CLUAP1: variants seen among roughly 807,000 people sequenced by gnomAD.
CLUAP1 encodes the protein intraflagellar transport 38, also known as clusterin-associated protein 1.
CLUAP1 carries 50 observed loss-of-function variants against 55.0 expected under a neutral mutation model. The ratio of observed to expected loss-of-function variants is 0.91; its 90% CI spans 0.72 to 1.15. CLUAP1 has a LOEUF of 1.15. Among genes scored for constraint, CLUAP1 ranks in the 50% most tolerant of loss-of-function variants. The probability of loss-of-function intolerance (pLI) is 0.00; values close to 1 mark genes in which losing one functional copy is unlikely to be tolerated. For missense variants in CLUAP1, 530 were observed against 507.6 expected, an observed-to-expected ratio of 1.04 and a Z score of -0.42; for synonymous variants, 195 against 175.4, an observed-to-expected ratio of 1.11 and a Z score of -0.88.
At chr16:3,500,436 C>A (rs888968775), upstream of CLUAP1, among the ~76,000 whole-genome samples, 7 of 147,450 alleles carry the variant, frequency 4.7e-5, no homozygotes, top group Non-Finnish European at 8.9e-5. Context: ...GTGGCGCGAT[C>A]TCGGCTCACT....
At chr16:3,500,877 G>A (rs1030453684), upstream of CLUAP1, 4 of 618,744 alleles carry the variant, frequency 6.5e-6, no homozygotes, top group Non-Finnish European at 1.1e-5. Flanking sequence ...GGCGTCTCAG[G>A]AGCGCTCTCT....
chr16:3,532,695 A>G lies in CLUAP1; in HGVS notation c.1037-91A>G, dbSNP rs925449166. The G allele has an allele frequency of 3.6e-6, 5 of 1,389,944 alleles. No individual in the cohort carries two copies. In the African/African-American group the frequency reaches 5.7e-5, roughly 16 times the overall value. The allele number at this position is 1,389,944 out of a possible 1,614,324, so 86.1% of individuals were successfully genotyped here. ...TTCCTGGGATTATACGCAAAAGCCAACATGCCTGGCCAGAAAACAAATCTT... is the reference window on the plus strand; with the variant it reads ...TTCCTGGGATTATACGCAAAAGCCAGCATGCCTGGCCAGAAAACAAATCTT... On this transcript the variant is annotated intron_variant, in intron 10 of 11. Coordinates refer to ENST00000576634, the MANE Select transcript of CLUAP1 (RefSeq NM_015041.3).
rs375190764 is a variant in CLUAP1 at position 3,512,344 on chromosome 16, C to G, written c.400-39C>G. Reference sequence around the variant, plus strand: ...AGACCCTGTCTCTATTAAAAAACATCTGTTGCTGAGGTTTCTGTTTTTGTT... The same window carrying G: ...AGACCCTGTCTCTATTAAAAAACATGTGTTGCTGAGGTTTCTGTTTTTGTT... On this transcript the variant is annotated intron_variant, in intron 4 of 11. Transcript: ENST00000576634. 9.4e-6 allele frequency: 14 copies of G among 1,487,476 alleles called. No individual in the cohort carries two copies. In the Admixed American group the frequency reaches 2.3e-4, roughly 25 times the overall value. 92.1% of individuals were successfully genotyped at this position (1,487,476 alleles called of 1,614,324 possible). A position where few individuals can be genotyped will look rare whatever the true frequency, so the allele number is the denominator to read the frequency against.
rs762646838 is a variant in CLUAP1, at chr16:3,501,102, C to A, written c.22+13C>A. On this transcript the variant is annotated intron_variant, in intron 1 of 11. Transcript: ENST00000576634. ...CGCGACCTCCGCAGTAAGGCAGCCC[C>A]GCGCCCCTGTGACCTGCGGGTCTTC... is the stretch of plus-strand genomic sequence containing the variant. 1.3e-6 allele frequency: 2 copies of A among 1,588,578 alleles called. No individual in the cohort carries two copies.
At chr16:3,503,271 C>T (rs1334946838) in intron 1 of CLUAP1, among the ~76,000 whole-genome samples, 4 of 152,060 alleles carry the variant, frequency 2.6e-5, no homozygotes, top group Non-Finnish European at 5.9e-5. Flanking sequence ...TCACGCCATT[C>T]TCCTGCCTCA....
chr16:3,527,077 C>G (rs551057211), intron 9 of CLUAP1, among the ~76,000 whole-genome samples: 5 of 152,198 alleles, frequency 3.3e-5, no homozygotes, highest in Non-Finnish European at 7.3e-5. Context: ...GGAAGGAGCT[C>G]TCTGTGACCA....
At chr16:3,529,320 A>G (rs1430532210) in intron 9 of CLUAP1, among the ~76,000 whole-genome samples, 3 of 139,882 alleles carry the variant, frequency 2.1e-5, no homozygotes, top group African/African-American at 8.1e-5. Context: ...ATTCAGATCC[A>G]TGGTTGGCTG....
the CLUAP1 span, chr16:3,495,541 G>T: frequency 6.6e-7 from 1 of 1,516,630 alleles, no homozygotes; most frequent in Non-Finnish European, 8.8e-7. Flanking sequence ...TGACATCACG[G>T]GGAAGACTCC....
At chr16:3,500,366 ATTTTTTTTTT>A (rs35022426), upstream of CLUAP1, among the ~76,000 whole-genome samples, 3 of 115,546 alleles carry the variant, frequency 2.6e-5, no homozygotes, top group South Asian at 2.8e-4. Flanking sequence ...AGTATAGTGC[ATTTTTTTTTT>A]TTTTTTTTTT....
chr16:3,529,801 ATT>A (rs2038070221), intron 9 of CLUAP1, among the ~76,000 whole-genome samples: 2 of 25,724 alleles, frequency 7.8e-5, no homozygotes, highest in African/African-American at 2.0e-4. Flanking sequence ...ATATTATATT[ATT>A]ATATATATAT....
At position 3,510,336 on chromosome 16, in the gene CLUAP1, A is replaced by G. The variant is rs145657185; in HGVS notation, c.399+1868A>G. 7.4e-3 allele frequency among the ~76,000 whole-genome samples: 1,088 copies of G among 146,954 alleles called. 18 individuals carry two copies. The highest frequency in any genetic ancestry group is 0.026 in the African/African-American group (1,028 of 39,470). ...TTTTTAGCAGAGATGGGGTTTCACC[A>G]TGTTGGCCAGCTAGTCTCAAACTCC... is the stretch of plus-strand genomic sequence containing the variant. On this transcript the variant is annotated intron_variant, in intron 4 of 11. Coordinates refer to ENST00000576634, the MANE Select transcript of CLUAP1 (RefSeq NM_015041.3).
At chr16:3,529,946 TATATAAC>T (rs893269638) in intron 9 of CLUAP1, among the ~76,000 whole-genome samples, 1 of 128,184 alleles carries the variant, frequency 7.8e-6, no homozygotes, top group African/African-American at 3.0e-5. Flanking sequence ...ATATGACAAT[TATATAAC>T]ATATATAATA....
At chr16:3,510,382 G>C (rs1346393571) in intron 4 of CLUAP1, among the ~76,000 whole-genome samples, 1 of 151,744 alleles carries the variant, frequency 6.6e-6, no homozygotes, top group African/African-American at 2.4e-5. Context: ...TGATCTGCCT[G>C]CCTCGGCCTC....
upstream of CLUAP1, chr16:3,496,699 C>G (rs1332352996): frequency 3.8e-6 from 2 of 532,242 alleles, no homozygotes; most frequent in African/African-American, 3.8e-5. Flanking sequence ...ACACCAAACG[C>G]TATTTCCGCT....
rs1567447523 is a variant in CLUAP1 at position 3,538,353 on chromosome 16, CCAGTAATT to C, written c.*2083_*2090del. On this transcript the variant is annotated 3_prime_UTR_variant, in exon 12 of 12. Coordinates refer to ENST00000576634, the MANE Select transcript of CLUAP1 (RefSeq NM_015041.3). ...AAACAGCCAGTATTCAGTGAATTCA[CCAGTAATT>C]TGAAATGCACCATATTGTAAATGAT... is the stretch of plus-strand genomic sequence containing the variant. 1 of 151,418 alleles carries C rather than the reference CCAGTAATT, an allele frequency of 6.6e-6. No homozygotes were observed. The highest frequency in any genetic ancestry group is 1.5e-5 in the Non-Finnish European group (1 of 67,926). The allele number at this position is 151,418 out of a possible 1,614,324, so 9.4% of individuals were successfully genotyped here.
At chr16:3,518,884 T>C (rs2037778654) in intron 6 of CLUAP1, among the ~76,000 whole-genome samples, 1 of 152,156 alleles carries the variant, frequency 6.6e-6, no homozygotes, top group Non-Finnish European at 1.5e-5. Context: ...CCATAGCTTT[T>C]CAGAGACTTG....
chr16:3,506,499 G>A (rs1271058891), intron 3 of CLUAP1, 84 bp downstream of exon 3: 11 of 1,059,590 alleles, frequency 1.0e-5, no homozygotes, highest in Non-Finnish European at 1.6e-5. Context: ...TTCAAACTGT[G>A]TAATTGAGTT....
intron 1 of CLUAP1, among the ~76,000 whole-genome samples, chr16:3,501,594 C>T (rs2037403703): frequency 6.6e-6 from 1 of 152,018 alleles, no homozygotes; most frequent in Admixed American, 6.5e-5. Context: ...ACCAGCCTGA[C>T]CAACATGGAG....
rs368055418 is a variant in CLUAP1, at chr16:3,530,606, G to T, written c.967G>T (p.Glu323Ter). ...DSDIDIQEDD[E>*]SDSELEERRL... ...GGACATAGACATCCAGGAGGACGAT[G>T]AATCCGACAGTGAGTTGGAAGAAAG... The change falls in exon 10 of 12, where the codon GAA becomes TAA. Residue 323 changes from glutamate to a stop codon, truncating the protein, a stop_gained. Coordinates refer to ENST00000576634, the MANE Select transcript of CLUAP1 (RefSeq NM_015041.3). LOFTEE classifies it high-confidence loss of function. 3 of 1,613,888 alleles carry T rather than the reference G, an allele frequency of 1.9e-6. No individual in the cohort carries two copies. In the African/African-American group the frequency reaches 4.0e-5, roughly 22 times the overall value.
Sources: allele counts gnomAD v4.1 joint callset (sites outside exome capture counted in the v4.1 genomes callset), GRCh38; gene constraint gnomAD v4.1.1; transcripts MANE v1.5; gene names NCBI Gene and HGNC (gene_info 2026-07-23, HGNC 2026-07-21).